Variants in MALRD1 observed in about 807,000 individuals in gnomAD.
MALRD1 encodes MAM and LDL receptor class A domain containing 1, also known as MAM and LDL-receptor class A domain-containing protein 1.
MALRD1 carries 247 observed loss-of-function variants against 242.1 expected under a neutral mutation model. The ratio of observed to expected loss-of-function variants is 1.02; its 90% CI spans 0.92 to 1.13. MALRD1 has a LOEUF of 1.13. MALRD1 is among the 50% of genes most tolerant of loss of function. The pLI, the probability that MALRD1 is intolerant of heterozygous loss-of-function variation, is 0.00. For missense variants in MALRD1, 2,989 were observed against 2,533.1 expected (o/e 1.18, Z -3.86); for synonymous variants, 995 against 866.6 (o/e 1.15, Z -2.60).
At chr10:19,419,320 A>C (rs571154219) in intron 28 of MALRD1, among the ~76,000 whole-genome samples, 2 of 151,738 alleles carry the variant, frequency 1.3e-5, no homozygotes, top group South Asian at 4.2e-4. Context: ...TTTGAGACTG[A>C]GTCTCATTCT....
intron 36 of MALRD1, among the ~76,000 whole-genome samples, chr10:19,634,796 G>A (rs902083894): frequency 1.3e-5 from 2 of 152,068 alleles, no homozygotes; most frequent in Non-Finnish European, 2.9e-5. Flanking sequence ...AGAAGAGTTA[G>A]ATGCCACAGA....
At chr10:19,531,376 T>C in intron 32 of MALRD1, 25 bp downstream of exon 32, 1 of 1,506,546 alleles carries the variant, frequency 6.6e-7, no homozygotes, top group Admixed American at 2.1e-5. Flanking sequence ...CAGAGATTTA[T>C]GATCACTGAA....
At chr10:19,412,477 T>A (rs991363303) in intron 28 of MALRD1, among the ~76,000 whole-genome samples, 1 of 152,176 alleles carries the variant, frequency 6.6e-6, no homozygotes, top group Non-Finnish European at 1.5e-5. Flanking sequence ...GAAACGTCTC[T>A]GATATAACTA....
chr10:19,549,696 G>A (rs563779762), intron 32 of MALRD1, among the ~76,000 whole-genome samples: 1 of 152,254 alleles, frequency 6.6e-6, no homozygotes, highest in Admixed American at 6.5e-5. Context: ...TCATGTTATT[G>A]CAATATTTGG....
At chr10:19,644,310 G>C (rs1487816330) in intron 36 of MALRD1, among the ~76,000 whole-genome samples, 1 of 152,102 alleles carries the variant, frequency 6.6e-6, no homozygotes, top group Non-Finnish European at 1.5e-5. Context: ...CTCTCTTCCT[G>C]AGCTCATTTT....
chr10:19,676,342 T>C lies in MALRD1; in HGVS notation c.6138-15940T>C, dbSNP rs1012320132. ...TAGAGTGATGAGGGCCTTTGCCACA[T>C]GGCAGATTCAGGATGGGCAGGACAA... On this transcript the variant is annotated intron_variant, in intron 36 of 39. Coordinates refer to ENST00000454679, the MANE Select transcript of MALRD1 (RefSeq NM_001142308.3). 2.0e-5 allele frequency among the ~76,000 whole-genome samples: 3 copies of C among 152,344 alleles called. No homozygotes were observed. In the South Asian group the frequency reaches 6.2e-4, roughly 32 times the overall value.
At chr10:19,418,730 G>A (rs1004829254) in intron 28 of MALRD1, among the ~76,000 whole-genome samples, 7 of 152,022 alleles carry the variant, frequency 4.6e-5, no homozygotes, top group African/African-American at 1.7e-4. Flanking sequence ...ATCTGCCAAT[G>A]GAAAAAATAT....
intron 18 of MALRD1, among the ~76,000 whole-genome samples, chr10:19,226,248 G>A (rs1315910066): frequency 1.3e-5 from 2 of 151,972 alleles, no homozygotes; most frequent in African/African-American, 4.8e-5. Context: ...ACTCTCGATA[G>A]ATGCAAAAAA....
intron 32 of MALRD1, among the ~76,000 whole-genome samples, chr10:19,535,180 G>A (rs932281430): frequency 2.0e-5 from 3 of 152,026 alleles, no homozygotes; most frequent in Non-Finnish European, 2.9e-5. Flanking sequence ...CACTGCGCCC[G>A]ACCAAAGTTT....
At chr10:19,219,008 G>C (rs562851075) in intron 18 of MALRD1, among the ~76,000 whole-genome samples, 1 of 151,722 alleles carries the variant, frequency 6.6e-6, no homozygotes, top group Non-Finnish European at 1.5e-5. Context: ...ATGTTACCCC[G>C]CCAGTCTGAA....
chr10:19,729,988 C>T (rs187005630), intron 38 of MALRD1, among the ~76,000 whole-genome samples: 3 of 152,116 alleles, frequency 2.0e-5, no homozygotes, highest in South Asian at 2.1e-4. Flanking sequence ...CCGCCCGCCT[C>T]GGCCTCCCGA....
At position 19,057,056 on chromosome 10, in the gene MALRD1, T is replaced by G. The variant is rs4259739; in HGVS notation, c.199+7919T>G. Among the ~76,000 whole-genome samples, 954 of 152,318 alleles carry G rather than the reference T, an allele frequency of 6.3e-3. 9 individuals carry two copies. Among genetic ancestry groups the G allele is most frequent in the African/African-American group, 0.022 (919 of 41,568 alleles). ...CATGCCAAATGCTTCTTTCAATGTG[T>G]TGTTGAACTCAGTTTGCAAATATTT... On this transcript the variant is annotated intron_variant, in intron 1 of 39. Transcript: ENST00000454679.
At chr10:19,358,195 A>AGTGTGTGTGTGTGTGTGTGTGTGTGTGT (rs776862926) in intron 26 of MALRD1, among the ~76,000 whole-genome samples, 3 of 145,574 alleles carry the variant, frequency 2.1e-5, no homozygotes, top group Non-Finnish European at 3.0e-5. Context: ...GCAGGAGTCA[A>AGTGTGTGTGTGTGTGTGTGTGTGTGTGT]GTGTGTGTGT....
chr10:19,550,642 A>G (rs988004928), intron 32 of MALRD1, among the ~76,000 whole-genome samples: 1 of 152,092 alleles, frequency 6.6e-6, no homozygotes, highest in African/African-American at 2.4e-5. Context: ...AATGGCTTCT[A>G]GCTCCATCCA....
At chr10:19,731,027 T>G (rs1835274645) in intron 39 of MALRD1, among the ~76,000 whole-genome samples, 1 of 152,206 alleles carries the variant, frequency 6.6e-6, no homozygotes, top group African/African-American at 2.4e-5. Context: ...TTAAATGGTG[T>G]TGTGGTCACT....
intron 18 of MALRD1, among the ~76,000 whole-genome samples, chr10:19,219,251 G>A (rs1375674243): frequency 6.6e-6 from 1 of 152,108 alleles, no homozygotes; most frequent in Non-Finnish European, 1.5e-5. Flanking sequence ...TTTCTGGAAT[G>A]TGGTTGTTGC....
At chr10:19,535,970 G>A (rs1458583758) in intron 32 of MALRD1, among the ~76,000 whole-genome samples, 1 of 152,162 alleles carries the variant, frequency 6.6e-6, no homozygotes, top group East Asian at 1.9e-4. Context: ...AAGGGTTTAT[G>A]AGGCAATAAA....
chr10:19,508,211 A>T lies in MALRD1; in HGVS notation c.5320+9565A>T, dbSNP rs562140830. Among the ~76,000 whole-genome samples the T allele has an allele frequency of 4.6e-5, 7 of 152,216 alleles. No individual in the cohort carries two copies. In the South Asian group the frequency reaches 1.4e-3, roughly 32 times the overall value. The stretch of plus-strand genomic sequence containing the variant: ...TTTTTACTTTTTCAAAGAGTTGTGG[A>T]TGGATGGATGGATGTGTGATGTATA... On this transcript the variant is annotated intron_variant, in intron 31 of 39. Transcript: ENST00000454679.
At chr10:19,307,834 A>G (rs763603346) in intron 21 of MALRD1, among the ~76,000 whole-genome samples, 17 of 151,582 alleles carry the variant, frequency 1.1e-4, no homozygotes, top group Non-Finnish European at 2.4e-4. Context: ...TTAATTTTTA[A>G]TTGACAAATA....
Sources: allele counts gnomAD v4.1 joint callset (sites outside exome capture counted in the v4.1 genomes callset), GRCh38; gene constraint gnomAD v4.1.1; transcripts MANE v1.5; gene names NCBI Gene and HGNC (gene_info 2026-07-23, HGNC 2026-07-21).